The following PRRX1 variants were observed in gnomAD, a reference collection of about 807,000 sequenced individuals.
PRRX1 encodes paired mesoderm homeobox protein 1.
In PRRX1, 8 loss-of-function variants were observed where a neutral mutation model predicts 24.0. The observed-to-expected ratio is 0.33, with a 90% confidence interval of 0.20 to 0.60. The LOEUF is 0.60. Ranked by LOEUF, PRRX1 falls within the 20% of genes least tolerant of loss-of-function variation. The pLI, the probability that PRRX1 is intolerant of heterozygous loss-of-function variation, is 0.82. For missense variants in PRRX1, 281 were observed against 322.4 expected, an observed-to-expected ratio of 0.87 and a Z score of 0.98; for synonymous variants, 160 against 131.7, an observed-to-expected ratio of 1.22 and a Z score of -1.47.
chr1:170,689,828 C>T (rs1653870902), intron 1 of PRRX1, among the ~76,000 whole-genome samples: 2 of 74,330 alleles, frequency 2.7e-5, no homozygotes, highest in Admixed American at 3.5e-4. Context: ...CTCTCTCTCT[C>T]TCTCTCTCTC....
chr1:170,686,533 T>C (rs1290969830), intron 1 of PRRX1, among the ~76,000 whole-genome samples: 3 of 152,138 alleles, frequency 2.0e-5, no homozygotes, highest in African/African-American at 7.2e-5. Context: ...TGACACTGAT[T>C]CAAATTCTAG....
chr1:170,726,026 T>G (rs961625128), intron 2 of PRRX1, among the ~76,000 whole-genome samples, 194 bp from the exon 3 acceptor site: 2 of 152,158 alleles, frequency 1.3e-5, no homozygotes, highest in African/African-American at 4.8e-5. Context: ...AGTCTTGACC[T>G]TTAAGAATGG....
At chr1:170,730,965 C>G (rs1185085057) in intron 3 of PRRX1, among the ~76,000 whole-genome samples, 1 of 152,116 alleles carries the variant, frequency 6.6e-6, no homozygotes, top group African/African-American at 2.4e-5. Flanking sequence ...AAAAGTTAAA[C>G]ATAGCAGAAA....
At chr1:170,676,927 C>A (rs1653340839) in intron 1 of PRRX1, among the ~76,000 whole-genome samples, 1 of 152,124 alleles carries the variant, frequency 6.6e-6, no homozygotes, top group Non-Finnish European at 1.5e-5. Flanking sequence ...CACCTATCTT[C>A]TTCATGCTAA....
At chr1:170,674,038 G>A (rs956410771) in intron 1 of PRRX1, among the ~76,000 whole-genome samples, 2 of 152,158 alleles carry the variant, frequency 1.3e-5, no homozygotes, top group Non-Finnish European at 2.9e-5. Context: ...TTTTCTACAA[G>A]TACATGTAAA....
intron 1 of PRRX1, among the ~76,000 whole-genome samples, chr1:170,715,530 T>C (rs577809702): frequency 1.9e-4 from 29 of 152,300 alleles, no homozygotes; most frequent in Non-Finnish European, 3.8e-4. Flanking sequence ...AAAAGGTTTA[T>C]AGAGAAGGTA....
intron 1 of PRRX1, among the ~76,000 whole-genome samples, chr1:170,708,487 C>T (rs1654644005): frequency 6.6e-6 from 1 of 152,112 alleles, no homozygotes; most frequent in South Asian, 2.1e-4. Context: ...TTTGCCCAAG[C>T]TCCTTTGCCA....
At chr1:170,667,429 G>C (rs576321335) in intron 1 of PRRX1, 2 of 152,180 alleles carry the variant, frequency 1.3e-5, no homozygotes, top group African/African-American at 4.8e-5. Context: ...TCTTTTCTCC[G>C]CTGGCATGAG....
At chr1:170,723,826 A>G (rs1002597561) in intron 2 of PRRX1, among the ~76,000 whole-genome samples, 1 of 152,192 alleles carries the variant, frequency 6.6e-6, no homozygotes, top group Non-Finnish European at 1.5e-5. Flanking sequence ...ACAGCATATT[A>G]CTCTACTGAA....
intron 1 of PRRX1, chr1:170,668,686 T>C (rs966189498): frequency 6.6e-6 from 1 of 152,154 alleles, no homozygotes; most frequent in African/African-American, 2.4e-5. Context: ...AGCGGGAACA[T>C]TTTCTAGGGC....
At chr1:170,702,894 C>T (rs996192947) in intron 1 of PRRX1, among the ~76,000 whole-genome samples, 1 of 152,010 alleles carries the variant, frequency 6.6e-6, no homozygotes, top group African/African-American at 2.4e-5. Context: ...TTATCTTGCT[C>T]TCATTGGCTT....
chr1:170,711,320 T>C, intron 1 of PRRX1, among the ~76,000 whole-genome samples: 1 of 152,206 alleles, frequency 6.6e-6, no homozygotes, highest in South Asian at 2.1e-4. Flanking sequence ...TTATTGTGGC[T>C]TTCTCTGCTA....
At chr1:170,686,561 T>C (rs926304910) in intron 1 of PRRX1, among the ~76,000 whole-genome samples, 16 of 152,076 alleles carry the variant, frequency 1.1e-4, no homozygotes, top group Non-Finnish European at 2.2e-4. Context: ...GGGTAGCTGT[T>C]TGATGAGAAC....
At position 170,664,249 on chromosome 1, in the gene PRRX1, C is replaced by T. The variant is rs778274576; in HGVS notation, c.31C>T (p.Arg11Trp). The T allele has an allele frequency of 1.1e-5, 18 of 1,612,038 alleles. No homozygotes were observed. Among genetic ancestry groups the T allele is most frequent in the Non-Finnish European group, 1.3e-5 (15 of 1,179,472 alleles). Residue 11 changes from arginine to tryptophan, a missense_variant, in exon 1 of 4, where the codon CGG becomes TGG. Coordinates refer to ENST00000239461, the MANE Select transcript of PRRX1 (RefSeq NM_022716.4). MTSSYGHVLE[R>W]QPALGGRLDS... ...CTCCAGCTACGGGCACGTTCTGGAG[C>T]GGCAACCGGCGCTGGGCGGCCGCTT...
At chr1:170,713,356 T>A (rs1473753985) in intron 1 of PRRX1, among the ~76,000 whole-genome samples, 1 of 152,190 alleles carries the variant, frequency 6.6e-6, no homozygotes, top group African/African-American at 2.4e-5. Context: ...CCTTGCTTTG[T>A]GTTGGATATT....
intron 1 of PRRX1, among the ~76,000 whole-genome samples, chr1:170,718,663 G>A (rs1370910823): frequency 1.3e-5 from 2 of 152,198 alleles, no homozygotes; most frequent in Non-Finnish European, 2.9e-5. Flanking sequence ...GATGGAGCAT[G>A]TGACTTGGGT....
intron 1 of PRRX1, among the ~76,000 whole-genome samples, chr1:170,707,618 G>A (rs1261705891): frequency 2.0e-5 from 3 of 152,010 alleles, no homozygotes; most frequent in African/African-American, 7.2e-5. Context: ...TTATTCCTAG[G>A]ATGCTTTATT....
intron 1 of PRRX1, among the ~76,000 whole-genome samples, chr1:170,689,499 C>T (rs1653855852): frequency 6.6e-6 from 1 of 152,116 alleles, no homozygotes; most frequent in Admixed American, 6.6e-5. Context: ...CAATTGAGAA[C>T]ATTCATAAAG....
At chr1:170,664,020 AG>A, upstream of PRRX1, 1 of 589,646 alleles carries the variant, frequency 1.7e-6, no homozygotes, top group African/African-American at 2.0e-5. Context: ...GCTCTACAGA[AG>A]GGGGTCCCCC....
Sources: gnomAD v4.1 joint callset for allele counts (sites outside exome capture counted in the v4.1 genomes callset) on GRCh38, gnomAD v4.1.1 for gene constraint, MANE v1.5 for transcripts, NCBI Gene and HGNC (gene_info 2026-07-23, HGNC 2026-07-21) for gene names.